Variants in EFCAB6 observed in about 807,000 individuals in gnomAD.
EFCAB6 encodes EF-hand calcium-binding domain-containing protein 6.
In EFCAB6, 156 loss-of-function variants were observed where a neutral mutation model predicts 169.8. The observed-to-expected ratio is 0.92, with a 90% confidence interval of 0.81 to 1.05. EFCAB6 has a LOEUF of 1.05. EFCAB6 is among the 50% of genes least tolerant of loss of function. The pLI, the probability that EFCAB6 is intolerant of heterozygous loss-of-function variation, is 0.00. For missense variants in EFCAB6, 1,800 were observed against 1,829.1 expected (o/e 0.98, Z 0.29); for synonymous variants, 698 against 676.4 (o/e 1.03, Z -0.50).
intron 21 of EFCAB6, among the ~76,000 whole-genome samples, chr22:43,610,405 A>C (rs1168350372): frequency 6.6e-6 from 1 of 152,254 alleles, no homozygotes; most frequent in Non-Finnish European, 1.5e-5. Flanking sequence ...AACCTGACCA[A>C]TAAATGACCA....
At chr22:43,642,193 G>A (rs112436330) in intron 17 of EFCAB6, among the ~76,000 whole-genome samples, 2,854 of 152,000 alleles carry the variant, frequency 0.019, 91 homozygotes, top group African/African-American at 0.065. Flanking sequence ...CACCCGCCTC[G>A]CCCTCCCAAA....
rs569742048 is a variant in EFCAB6, at chr22:43,698,536, A to T, written c.1032-10955T>A. The stretch of plus-strand genomic sequence containing the variant: ...CAATGGTCTCAGACCCACAAAATTC[A>T]ATTGTCTTACCACATACCCCATATC... On this transcript the variant is annotated intron_variant, in intron 10 of 31. Coordinates refer to ENST00000262726, the MANE Select transcript of EFCAB6 (RefSeq NM_022785.4). Among the ~76,000 whole-genome samples the T allele has an allele frequency of 5.9e-5, 9 of 152,284 alleles. No individual in the cohort carries two copies. The South Asian group carries it at 1.7e-3, about 28-fold the overall frequency.
At chr22:43,757,917 C>CTT in intron 5 of EFCAB6, among the ~76,000 whole-genome samples, 1 of 152,174 alleles carries the variant, frequency 6.6e-6, no homozygotes. Flanking sequence ...AATGGTATGT[C>CTT]TTTTTAAATC....
At chr22:43,659,030 G>A (rs764686785) in intron 17 of EFCAB6, among the ~76,000 whole-genome samples, 7 of 152,186 alleles carry the variant, frequency 4.6e-5, no homozygotes, top group Admixed American at 1.3e-4. Context: ...CAAGCCTCAG[G>A]AACTCCCGCT....
At chr22:43,620,390 T>C (rs1444844530) in intron 20 of EFCAB6, among the ~76,000 whole-genome samples, 1 of 152,108 alleles carries the variant, frequency 6.6e-6, no homozygotes, top group Non-Finnish European at 1.5e-5. Flanking sequence ...GAAAACGGAA[T>C]ACTTGCATAC....
At chr22:43,719,122 C>G (rs1205809229) in intron 8 of EFCAB6, among the ~76,000 whole-genome samples, 1 of 152,204 alleles carries the variant, frequency 6.6e-6, no homozygotes, top group Non-Finnish European at 1.5e-5. Flanking sequence ...CCCTGGGGAG[C>G]TCACGGCCCA....
At position 43,576,447 on chromosome 22, in the gene EFCAB6, C is replaced by T. The variant is rs896853425; in HGVS notation, c.3270G>A (p.Lys1090=). The T allele has an allele frequency of 1.3e-6, 2 of 1,590,968 alleles. No homozygotes were observed. The highest frequency in any genetic ancestry group is 2.3e-5 in the East Asian group (1 of 43,674). The change falls in exon 26 of 32, where the codon AAG becomes AAA. Residue 1090 remains lysine, a synonymous_variant. Transcript: ENST00000262726. Reference sequence around the variant, plus strand: ...TAAGAACTTGTCCGAATTCTGTAGCCTTTACAAATCCTGTATCCTCTTTAT... The same window carrying T: ...TAAGAACTTGTCCGAATTCTGTAGCTTTTACAAATCCTGTATCCTCTTTAT... ...ALDKEDTGFV[K]ATEFGQVLKD... is the part of the protein sequence containing the mutation.
chr22:43,693,472 A>G (rs946790816), intron 10 of EFCAB6, among the ~76,000 whole-genome samples: 2 of 150,320 alleles, frequency 1.3e-5, no homozygotes, highest in African/African-American at 4.9e-5. Flanking sequence ...AATCTTAAGT[A>G]ACTGTCATAC....
chr22:43,769,877 G>A (rs1274644007), intron 4 of EFCAB6, among the ~76,000 whole-genome samples: 1 of 148,794 alleles, frequency 6.7e-6, no homozygotes, highest in Non-Finnish European at 1.5e-5. Flanking sequence ...TTTTTTAGAT[G>A]GAGTTTTGCT....
At chr22:43,700,460 C>G (rs113406308) in intron 10 of EFCAB6, among the ~76,000 whole-genome samples, 1,909 of 152,180 alleles carry the variant, frequency 0.013, 20 homozygotes, top group Middle Eastern at 0.031. Context: ...AAACCCATAG[C>G]GTATATTTAA....
At chr22:43,717,002 A>G in intron 8 of EFCAB6, 30 bp from the exon 9 acceptor site, 1 of 1,451,018 alleles carries the variant, frequency 6.9e-7, no homozygotes, top group Non-Finnish European at 9.1e-7. Context: ...TCGGCTTATC[A>G]ACATTGTCAA....
chr22:43,695,121 G>A (rs1395610569), intron 10 of EFCAB6, among the ~76,000 whole-genome samples: 1 of 151,870 alleles, frequency 6.6e-6, no homozygotes, highest in African/African-American at 2.4e-5. Flanking sequence ...ACAACAAAAG[G>A]TCTAGAACTA....
rs750787529 is a variant in EFCAB6, at chr22:43,600,253, C to T, written c.2692G>A (p.Glu898Lys). 10 of 1,613,812 alleles carry T rather than the reference C, an allele frequency of 6.2e-6. No individual in the cohort carries two copies. Among genetic ancestry groups the T allele is most frequent in the East Asian group, 2.2e-5 (1 of 44,890 alleles). The change falls in exon 23 of 32, where the codon GAG becomes AAG. Residue 898 changes from glutamate (E) to lysine (K), a missense_variant. Glu to Lys is a moderately conservative substitution (Grantham distance 56, BLOSUM62 1). Transcript: ENST00000262726. ...TGGTAAGTAATGTGCCCTTTTCCCT[C>T]GGTGTCGTATCTTAAAACAAAAACA... ...FEKLWARYDTEGKGHITYQEF... is the reference protein window; with the variant it reads ...FEKLWARYDTKGKGHITYQEF...
chr22:43,802,534 A>AG (rs1454972439), intron 2 of EFCAB6: 1 of 346,974 alleles, frequency 2.9e-6, no homozygotes, highest in Non-Finnish European at 5.5e-6. Context: ...CTATCTCAAA[A>AG]AAAAAAAAAG....
At position 43,685,039 on chromosome 22, in the gene EFCAB6, C is replaced by T. The variant is rs138791420; in HGVS notation, c.1143-1184G>A. Among the ~76,000 whole-genome samples, 187 of 152,282 alleles carry T rather than the reference C, an allele frequency of 1.2e-3. 1 individual carries two copies. In the Middle Eastern group the frequency reaches 0.058, roughly 47 times the overall value. On this transcript the variant is annotated intron_variant, in intron 11 of 31. Coordinates refer to ENST00000262726, the MANE Select transcript of EFCAB6 (RefSeq NM_022785.4). ...CCTAAAATCGCAAAAAGCACAATCT[C>T]GAAAGATTAAAACCCCAAAGCCAAA...
At chr22:43,538,619 C>A (rs931960228) in intron 28 of EFCAB6, among the ~76,000 whole-genome samples, 10 of 152,304 alleles carry the variant, frequency 6.6e-5, no homozygotes, top group African/African-American at 2.4e-4. Context: ...GATCTCTTGA[C>A]CTCATGATCC....
chr22:43,649,368 G>A (rs2056348125), intron 17 of EFCAB6, among the ~76,000 whole-genome samples: 1 of 152,026 alleles, frequency 6.6e-6, no homozygotes, highest in Non-Finnish European at 1.5e-5. Context: ...CATAAGACCA[G>A]CAAAAATTTA....
intron 20 of EFCAB6, among the ~76,000 whole-genome samples, chr22:43,624,487 T>C (rs1212838194): frequency 6.6e-6 from 1 of 151,926 alleles, no homozygotes; most frequent in East Asian, 1.9e-4. Flanking sequence ...CACACATGCA[T>C]CCTCTCCCCA....
intron 17 of EFCAB6, among the ~76,000 whole-genome samples, chr22:43,653,298 CAG>C (rs2056570108): frequency 6.6e-6 from 1 of 152,078 alleles, no homozygotes; most frequent in Non-Finnish European, 1.5e-5. Flanking sequence ...AATCCAAAGA[CAG>C]AGGAAAATCT....
Sources: allele counts gnomAD v4.1 joint callset (sites outside exome capture counted in the v4.1 genomes callset), GRCh38; gene constraint gnomAD v4.1.1; transcripts MANE v1.5; gene names NCBI Gene and HGNC (gene_info 2026-07-23, HGNC 2026-07-21).